Variants in UBE2E2 observed in about 807,000 individuals in gnomAD.
The protein encoded by UBE2E2 is ubiquitin-conjugating enzyme E2 E2.
UBE2E2 carries 6 observed loss-of-function variants against 24.7 expected under a neutral mutation model. The observed-to-expected ratio is 0.24, with a 90% CI of 0.13 to 0.48. UBE2E2 has a LOEUF of 0.48. Among genes scored for constraint, UBE2E2 ranks in the 20% least tolerant of loss-of-function variants. The pLI is 0.99. For missense variants in UBE2E2, 169 were observed against 245.0 expected, an observed-to-expected ratio of 0.69 and a Z score of 2.07; for synonymous variants, 104 against 83.6, an observed-to-expected ratio of 1.24 and a Z score of -1.33.
intron 5 of UBE2E2, among the ~76,000 whole-genome samples, chr3:23,566,498 A>G (rs922074534): frequency 3.9e-5 from 6 of 152,166 alleles, no homozygotes; most frequent in African/African-American, 1.4e-4. Flanking sequence ...AGGCTGGGCA[A>G]TTTATAAAGA....
At chr3:23,225,137 T>C (rs764025992) in intron 3 of UBE2E2, among the ~76,000 whole-genome samples, 47 of 152,248 alleles carry the variant, frequency 3.1e-4, no homozygotes, top group Middle Eastern at 3.4e-3. Context: ...TTTTAATGAC[T>C]TGTCGTTTTA....
intron 3 of UBE2E2, among the ~76,000 whole-genome samples, chr3:23,248,928 T>A (rs1697496265): frequency 6.6e-6 from 1 of 152,226 alleles, no homozygotes; most frequent in Admixed American, 6.5e-5. Flanking sequence ...TTAAGAGCTA[T>A]TCAAAGGTAA....
chr3:23,550,295 A>G (rs993315107), intron 5 of UBE2E2, among the ~76,000 whole-genome samples: 3 of 152,168 alleles, frequency 2.0e-5, no homozygotes, highest in African/African-American at 4.8e-5. Context: ...CCCAGCACCT[A>G]TAATGTACAA....
chr3:23,415,962 T>C (rs1453147275), intron 3 of UBE2E2, among the ~76,000 whole-genome samples: 1 of 152,084 alleles, frequency 6.6e-6, no homozygotes, highest in African/African-American at 2.4e-5. Context: ...TTCTCATTGT[T>C]CAACTCCCAC....
intron 3 of UBE2E2, among the ~76,000 whole-genome samples, chr3:23,489,626 A>G (rs772323432): frequency 2.6e-5 from 4 of 152,208 alleles, no homozygotes; most frequent in Non-Finnish European, 4.4e-5. Context: ...GGTAACAACA[A>G]TAGTTTCATG....
chr3:23,335,365 A>T (rs1195036356), intron 3 of UBE2E2, among the ~76,000 whole-genome samples: 1 of 152,150 alleles, frequency 6.6e-6, no homozygotes, highest in Non-Finnish European at 1.5e-5. Flanking sequence ...AAATAAAGAC[A>T]AGTATTTATT....
At chr3:23,226,709 G>T (rs1696836243) in intron 3 of UBE2E2, among the ~76,000 whole-genome samples, 1 of 152,154 alleles carries the variant, frequency 6.6e-6, no homozygotes. Context: ...TAACAGGTTG[G>T]CCCTCCTTCC....
chr3:23,403,697 G>A (rs1697284635), intron 3 of UBE2E2, among the ~76,000 whole-genome samples: 1 of 151,760 alleles, frequency 6.6e-6, no homozygotes, highest in Non-Finnish European at 1.5e-5. Context: ...GGTGGTGCAC[G>A]CCTGTAGTTC....
intron 3 of UBE2E2, among the ~76,000 whole-genome samples, chr3:23,371,062 C>T (rs1354462168): frequency 1.3e-5 from 2 of 152,054 alleles, no homozygotes; most frequent in Non-Finnish European, 1.5e-5. Flanking sequence ...TGGGGTTTTG[C>T]TCCATTGCCT....
At position 23,355,609 on chromosome 3, in the gene UBE2E2, G is replaced by A. The variant is rs78137508; in HGVS notation, c.227+138297G>A. Among the ~76,000 whole-genome samples, 87 of 152,248 alleles carry A rather than the reference G, an allele frequency of 5.7e-4. 3 individuals carry two copies. In the East Asian group the frequency reaches 0.015, roughly 27 times the overall value. ...ACTAGAAACAAGTTTAGAAAATACA[G>A]TTACTTTTTTTTGTTTGTTTGTTTC... On this transcript the variant is annotated intron_variant, in intron 3 of 5. Transcript: ENST00000396703.
intron 3 of UBE2E2, among the ~76,000 whole-genome samples, chr3:23,334,446 C>CAA (rs1695151880): frequency 1.3e-5 from 2 of 151,880 alleles, no homozygotes; most frequent in African/African-American, 4.8e-5. Context: ...ATTGGTGGTA[C>CAA]CTACTCATAG....
At chr3:23,354,460 T>A (rs1234913566) in intron 3 of UBE2E2, among the ~76,000 whole-genome samples, 13 of 152,026 alleles carry the variant, frequency 8.6e-5, no homozygotes, top group Admixed American at 7.9e-4. Flanking sequence ...GCAAAATGGG[T>A]GAAAATTTTC....
At chr3:23,451,098 A>G (rs926653987) in intron 3 of UBE2E2, among the ~76,000 whole-genome samples, 3 of 152,210 alleles carry the variant, frequency 2.0e-5, no homozygotes, top group Non-Finnish European at 4.4e-5. Flanking sequence ...AACTATTGTA[A>G]AACTTTTTAA....
chr3:23,271,044 C>T, intron 3 of UBE2E2: 1 of 456,656 alleles, frequency 2.2e-6, no homozygotes, highest in Non-Finnish European at 4.4e-6. Context: ...TCTCAATTAA[C>T]TATGACTAAC....
intron 3 of UBE2E2, among the ~76,000 whole-genome samples, chr3:23,285,013 C>T (rs1336360485): frequency 4.6e-5 from 7 of 151,246 alleles, no homozygotes; most frequent in African/African-American, 1.5e-4. Context: ...TCCACTCCCC[C>T]CACCCCATGC....
chr3:23,434,291 A>G (rs1215182674), intron 3 of UBE2E2, among the ~76,000 whole-genome samples: 2 of 152,166 alleles, frequency 1.3e-5, no homozygotes, highest in South Asian at 2.1e-4. Flanking sequence ...TCAATGTAAC[A>G]TCCAATTGCT....
At chr3:23,533,413 A>G (rs1198823963) in intron 5 of UBE2E2, among the ~76,000 whole-genome samples, 2 of 152,156 alleles carry the variant, frequency 1.3e-5, no homozygotes, top group African/African-American at 4.8e-5. Flanking sequence ...AATAGCTTAA[A>G]TATTGCATGA....
Position 23,590,001 on chromosome 3 carries a change from C to T in UBE2E2, c.*170C>T. The T allele has an allele frequency of 3.6e-6, 2 of 557,564 alleles. No individual in the cohort carries two copies. The highest frequency in any genetic ancestry group is 2.9e-5 in the South Asian group (1 of 33,930). 34.5% of individuals were successfully genotyped at this position (557,564 alleles called of 1,614,324 possible). ...CTTCCCATCCCAGTTCTTCCTGCCC[C>T]CCTTCCTCTCTCCCACGCTCTCTTT... On this transcript the variant is annotated 3_prime_UTR_variant, in exon 6 of 6. Coordinates refer to ENST00000396703, the MANE Select transcript of UBE2E2 (RefSeq NM_152653.4).
intron 3 of UBE2E2, among the ~76,000 whole-genome samples, chr3:23,459,084 T>C (rs73140509): frequency 0.042 from 6,367 of 152,284 alleles, 466 homozygotes; most frequent in African/African-American, 0.14. Flanking sequence ...CTGCCTTAAT[T>C]ATGTGCCCAT....
Sources: allele counts gnomAD v4.1 joint callset (sites outside exome capture counted in the v4.1 genomes callset), GRCh38; gene constraint gnomAD v4.1.1; transcripts MANE v1.5; gene names NCBI Gene and HGNC (gene_info 2026-07-23, HGNC 2026-07-21).